Variants in TRIO observed in about 807,000 individuals in gnomAD.
TRIO encodes triple functional domain protein.
TRIO carries 58 observed loss-of-function variants against 351.9 expected under a neutral mutation model. The observed-to-expected ratio is 0.16, with a 90% CI of 0.13 to 0.21. The LOEUF is 0.21. Ranked by LOEUF, TRIO falls within the 10% of genes least tolerant of loss-of-function variation. TRIO has a pLI of 1.00. For missense variants in TRIO, 3,201 were observed against 4,027.8 expected, an observed-to-expected ratio of 0.79 and a Z score of 5.56; for synonymous variants, 1,758 against 1,595.7, an observed-to-expected ratio of 1.10 and a Z score of -2.42.
chr5:14,228,401 G>A (rs1793183301), intron 1 of TRIO, among the ~76,000 whole-genome samples: 1 of 152,218 alleles, frequency 6.6e-6, no homozygotes, highest in Non-Finnish European at 1.5e-5. Context: ...ATTTCAGAGT[G>A]CGTATTAGGA....
chr5:14,502,913 G>A (rs539536650), intron 54 of TRIO, among the ~76,000 whole-genome samples: 1 of 152,260 alleles, frequency 6.6e-6, no homozygotes, highest in Non-Finnish European at 1.5e-5. Context: ...GCTTCCCTCT[G>A]TGAATGTGGA....
chr5:14,357,596 C>T (rs758541337), intron 11 of TRIO, among the ~76,000 whole-genome samples: 22 of 152,062 alleles, frequency 1.4e-4, no homozygotes, highest in African/African-American at 1.9e-4. Context: ...GTTGAAGGCC[C>T]GAACTGTTGG....
intron 34 of TRIO, among the ~76,000 whole-genome samples, chr5:14,430,039 G>A (rs919441650): frequency 2.6e-5 from 4 of 152,062 alleles, no homozygotes; most frequent in African/African-American, 4.8e-5. Context: ...TATATACAGC[G>A]CTGCGGGAGA....
At chr5:14,494,607 A>G (rs1756738636) in intron 49 of TRIO, among the ~76,000 whole-genome samples, 1 of 152,224 alleles carries the variant, frequency 6.6e-6, no homozygotes, top group African/African-American at 2.4e-5. Flanking sequence ...TATTTAAGAA[A>G]TACATTTTGG....
intron 11 of TRIO, among the ~76,000 whole-genome samples, chr5:14,350,818 C>T (rs968982368): frequency 6.6e-6 from 1 of 152,098 alleles, no homozygotes; most frequent in Non-Finnish European, 1.5e-5. Context: ...AGGCGGCGGT[C>T]CCCAGGGACC....
At chr5:14,305,638 T>TCC (rs1738297016) in intron 8 of TRIO, among the ~76,000 whole-genome samples, 2 of 152,180 alleles carry the variant, frequency 1.3e-5, no homozygotes, top group African/African-American at 4.8e-5. Context: ...TTGTCAAAGT[T>TCC]GTTGGGAAGA....
chr5:14,315,182 CTT>C (rs1739272418), intron 8 of TRIO, among the ~76,000 whole-genome samples: 1 of 150,864 alleles, frequency 6.6e-6, no homozygotes, highest in South Asian at 2.1e-4. Context: ...CCTGTGTGCT[CTT>C]TTTTATTCTA....
At chr5:14,399,468 G>T in intron 30 of TRIO, 1 of 242,832 alleles carries the variant, frequency 4.1e-6, no homozygotes, top group Non-Finnish European at 7.8e-6. Context: ...GCCTTACTGG[G>T]TGGCTCACAT....
At chr5:14,399,439 A>G (rs1278186589) in intron 30 of TRIO, 17 of 292,632 alleles carry the variant, frequency 5.8e-5, no homozygotes, top group Non-Finnish European at 9.4e-5. Flanking sequence ...AACCATAAAC[A>G]TTGGAGTATA....
At chr5:14,287,829 T>G (rs942194677) in intron 4 of TRIO, among the ~76,000 whole-genome samples, 6 of 152,252 alleles carry the variant, frequency 3.9e-5, no homozygotes, top group African/African-American at 1.4e-4. Flanking sequence ...TTGAATAGAT[T>G]GCTTCCTCTG....
chr5:14,296,576 C>T (rs1009331647), intron 6 of TRIO, among the ~76,000 whole-genome samples: 1 of 152,148 alleles, frequency 6.6e-6, no homozygotes, highest in Non-Finnish European at 1.5e-5. Context: ...TCTGTTGGCA[C>T]CCAAAAATGA....
intron 33 of TRIO, among the ~76,000 whole-genome samples, chr5:14,417,542 C>T (rs149843673): frequency 1.3e-5 from 2 of 152,310 alleles, no homozygotes; most frequent in Non-Finnish European, 2.9e-5. Flanking sequence ...TGGGTGTGGG[C>T]TTGTGCTCAG....
chr5:14,201,086 C>G (rs937346770), intron 1 of TRIO, among the ~76,000 whole-genome samples: 4 of 151,888 alleles, frequency 2.6e-5, no homozygotes, highest in Non-Finnish European at 4.4e-5. Context: ...GGAGAAACTC[C>G]GTCTCTACTA....
At position 14,435,010 on chromosome 5, in the gene TRIO, C is replaced by T. The variant is rs1336739442; in HGVS notation, c.5203+14989C>T. On this transcript the variant is annotated intron_variant, in intron 34 of 56. Coordinates refer to ENST00000344204, the MANE Select transcript of TRIO (RefSeq NM_007118.4). The stretch of plus-strand genomic sequence containing the variant: ...GCACTGATGCTATTGTGCCCTTCTC[C>T]GTGCATCACGTCAGGGGTACAGGGT... 3.9e-5 allele frequency among the ~76,000 whole-genome samples: 6 copies of T among 152,234 alleles called. No homozygotes were observed. In the South Asian group the frequency reaches 1.0e-3, roughly 26 times the overall value.
chr5:14,361,305 A>G (rs1381997442), intron 13 of TRIO, among the ~76,000 whole-genome samples: 3 of 152,208 alleles, frequency 2.0e-5, no homozygotes, highest in Non-Finnish European at 4.4e-5. Flanking sequence ...GGAAACAAAA[A>G]CATACATTTT....
At chr5:14,498,760 T>C in intron 53 of TRIO, 120 bp downstream of exon 53, 1 of 1,454,242 alleles carries the variant, frequency 6.9e-7, no homozygotes, top group Non-Finnish European at 9.4e-7. Flanking sequence ...CAATAAGTCA[T>C]TTGTGGGGCT....
At chr5:14,388,013 C>T (rs1453005964) in intron 23 of TRIO, 166 bp downstream of exon 23, 5 of 613,150 alleles carry the variant, frequency 8.2e-6, no homozygotes, top group Non-Finnish European at 1.2e-5. Flanking sequence ...CGTTCACTGT[C>T]CTCTTATCAC....
chr5:14,482,846 AATGATGACATACCCTG>A lies in TRIO; in HGVS notation c.6657+77_6657+92del, dbSNP rs367605543. 2,030 of 1,320,708 alleles carry A rather than the reference AATGATGACATACCCTG, an allele frequency of 1.5e-3. 17 individuals are homozygous for A. The African/African-American group carries it at 0.028, about 18-fold the overall frequency. 81.8% of individuals were successfully genotyped at this position (1,320,708 alleles called of 1,614,324 possible). On this transcript the variant is annotated intron_variant, in intron 46 of 56. Coordinates refer to ENST00000344204, the MANE Select transcript of TRIO (RefSeq NM_007118.4). The stretch of plus-strand genomic sequence containing the variant: ...TCACACCGATACACTGTTTCCTTTT[AATGATGACATACCCTG>A]ATGCTTCGTTTAAGTATTTGAGAAT...
intron 1 of TRIO, among the ~76,000 whole-genome samples, chr5:14,264,176 TA>T (rs1323732901): frequency 2.0e-5 from 3 of 152,152 alleles, no homozygotes; most frequent in Admixed American, 2.0e-4. Flanking sequence ...TATATTTGTT[TA>T]AACTTTTTTT....
Sources: gnomAD v4.1 joint callset for allele counts (sites outside exome capture counted in the v4.1 genomes callset) on GRCh38, gnomAD v4.1.1 for gene constraint, MANE v1.5 for transcripts, NCBI Gene and HGNC (gene_info 2026-07-23, HGNC 2026-07-21) for gene names.